Variants in IREB2 observed in about 807,000 individuals in gnomAD.
The protein encoded by IREB2 is iron responsive element binding protein 2.
A neutral mutation model predicts 118.8 loss-of-function variants in IREB2; 39 were observed. That is an observed-to-expected ratio of 0.33 (90% CI 0.25 to 0.43). The LOEUF (loss-of-function observed/expected upper bound fraction) is 0.43, where lower values mean the gene tolerates loss of function less well. Among genes scored for constraint, IREB2 ranks in the 20% least tolerant of loss-of-function variants. The pLI is 1.00. For synonymous variants in IREB2, 372 were observed against 392.2 expected (o/e 0.95, Z 0.61); for missense variants, 900 against 1,147.3 (o/e 0.78, Z 3.11).
intron 11 of IREB2, 35 bp from the exon 12 acceptor site, chr15:78,484,724 GAA>G: frequency 6.6e-7 from 1 of 1,512,652 alleles, no homozygotes; most frequent in Non-Finnish European, 9.2e-7. Flanking sequence ...TACATACCCA[GAA>G]TATTTAGTTT....
rs374821140 is a variant in IREB2, at chr15:78,483,471, G to A, written c.1413+37G>A. On this transcript the variant is annotated intron_variant, in intron 11 of 21. Transcript: ENST00000258886. ...TATTCTTATCCGTGTTTTTCAACCC[G>A]CTTTGTGCTAAGTAGTAAAGAACCA... The A allele has an allele frequency of 5.8e-5, 65 of 1,128,336 alleles. No individual in the cohort carries two copies. In the African/African-American group the frequency reaches 6.3e-4, roughly 11 times the overall value. 69.9% of individuals were successfully genotyped at this position (1,128,336 alleles called of 1,614,324 possible). A position where few individuals can be genotyped will look rare whatever the true frequency, so the allele number is the denominator to read the frequency against.
At chr15:78,470,725 C>T (rs1286932444) in intron 6 of IREB2, 124 bp downstream of exon 6, 32 of 472,794 alleles carry the variant, frequency 6.8e-5, no homozygotes, top group Non-Finnish European at 2.8e-5. Flanking sequence ...GACAGAATCT[C>T]GCCCTGTTAC....
chr15:78,451,197 C>T (rs1016439585), intron 2 of IREB2, among the ~76,000 whole-genome samples: 1 of 152,042 alleles, frequency 6.6e-6, no homozygotes, highest in Non-Finnish European at 1.5e-5. Flanking sequence ...AACTCCTGAC[C>T]TCAGATGATC....
intron 2 of IREB2, among the ~76,000 whole-genome samples, chr15:78,448,470 GAAA>G (rs200307305): frequency 6.6e-6 from 1 of 151,586 alleles, no homozygotes; most frequent in East Asian, 1.9e-4. Context: ...TTAAAAGAGA[GAAA>G]AAAAAGGTCA....
intron 2 of IREB2, among the ~76,000 whole-genome samples, chr15:78,458,270 C>A (rs1284486419): frequency 6.6e-6 from 1 of 151,896 alleles, no homozygotes. Context: ...AAGAGTGAAC[C>A]CTAATGTAAA....
At chr15:78,483,575 C>A in intron 11 of IREB2, 141 bp downstream of exon 11, 1 of 571,946 alleles carries the variant, frequency 1.7e-6, no homozygotes. Flanking sequence ...TATTTTCCTT[C>A]TGTCTAATGT....
intron 1 of IREB2, 85 bp from the exon 2 acceptor site, chr15:78,439,710 A>G (rs943253577): frequency 1.2e-5 from 9 of 749,874 alleles, no homozygotes; most frequent in Middle Eastern, 3.6e-4. Flanking sequence ...AGAAAATTCT[A>G]TTGGATAAAG....
rs747306838 is a variant in IREB2, at chr15:78,490,720, C to T, written c.2283C>T (p.Ile761=). 3.7e-6 allele frequency: 6 copies of T among 1,613,860 alleles called. No individual in the cohort carries two copies. Among genetic ancestry groups the T allele is most frequent in the Admixed American group, 1.7e-5 (1 of 59,982 alleles). Residue 761 remains isoleucine, a synonymous_variant, in exon 18 of 22, where the codon ATC becomes ATT. Transcript: ENST00000258886. ...ATCATATATCACCTGCAGGAAGTAT[C>T]GCTAGGAATAGTGCTGCCGCTAAGT... is the stretch of plus-strand genomic sequence containing the variant. The part of the protein sequence containing the change: ...TTDHISPAGS[I]ARNSAAAKYL...
At chr15:78,438,699 C>T (rs1313072987) in intron 1 of IREB2, 7 of 390,554 alleles carry the variant, frequency 1.8e-5, no homozygotes, top group African/African-American at 4.3e-5. Context: ...ACCGTCTTCT[C>T]CTGCCCGCCC....
chr15:78,488,409 T>A, intron 15 of IREB2, 73 bp downstream of exon 15: 2 of 1,251,880 alleles, frequency 1.6e-6, no homozygotes, highest in South Asian at 3.1e-5. Flanking sequence ...TTTTGAAATG[T>A]TTCTTAGACC....
chr15:78,487,891 T>C (rs1473589217), intron 14 of IREB2, 74 bp downstream of exon 14: 2 of 932,812 alleles, frequency 2.1e-6, no homozygotes, highest in South Asian at 1.5e-5. Flanking sequence ...ATAGAAAATA[T>C]ATATTGATGT....
At chr15:78,467,412 C>A (rs2051302254) in intron 5 of IREB2, among the ~76,000 whole-genome samples, 1 of 152,160 alleles carries the variant, frequency 6.6e-6, no homozygotes, top group Non-Finnish European at 1.5e-5. Flanking sequence ...AGTTCTATGG[C>A]CAGGCGCGGT....
At chr15:78,470,002 G>A (rs181386250) in intron 5 of IREB2, among the ~76,000 whole-genome samples, 72 of 152,290 alleles carry the variant, frequency 4.7e-4, no homozygotes, top group African/African-American at 1.7e-3. Context: ...TATAATCCAT[G>A]TAAAGTGAAC....
intron 4 of IREB2, among the ~76,000 whole-genome samples, chr15:78,465,718 G>A (rs1651711659): frequency 6.6e-6 from 1 of 152,034 alleles, no homozygotes. Flanking sequence ...AGTCATGAAT[G>A]TTTTTAATTA....
intron 8 of IREB2, chr15:78,475,347 T>C (rs908760651): frequency 1.2e-4 from 18 of 152,154 alleles, no homozygotes; most frequent in African/African-American, 4.1e-4. Context: ...TAGAAGGAAT[T>C]AAGTTTGAAA....
chr15:78,459,112 GA>G (rs550595150), intron 2 of IREB2, among the ~76,000 whole-genome samples: 38 of 151,686 alleles, frequency 2.5e-4, no homozygotes, highest in Non-Finnish European at 7.4e-5. Context: ...TTCTTAACGG[GA>G]AAAAAAAGTA....
intron 5 of IREB2, 44 bp from the exon 6 acceptor site, chr15:78,470,488 T>C (rs2141486767): frequency 1.6e-6 from 2 of 1,287,092 alleles, no homozygotes; most frequent in Non-Finnish European, 2.2e-6. Context: ...AGGCAAGTCT[T>C]TTTTGTAATA....
chr15:78,456,665 CAA>C (rs10717771), intron 2 of IREB2, among the ~76,000 whole-genome samples: 27 of 130,506 alleles, frequency 2.1e-4, no homozygotes, highest in Admixed American at 5.5e-4. Flanking sequence ...GTCCTTATCT[CAA>C]AAAAAAAAAA....
intron 15 of IREB2, 74 bp from the exon 16 acceptor site, chr15:78,488,573 T>C: frequency 7.2e-7 from 1 of 1,387,666 alleles, no homozygotes; most frequent in Non-Finnish European, 9.8e-7. Flanking sequence ...ATTTCCATGA[T>C]ATGTCTTTGA....
Sources: gnomAD v4.1 joint callset for allele counts (sites outside exome capture counted in the v4.1 genomes callset) on GRCh38, gnomAD v4.1.1 for gene constraint, MANE v1.5 for transcripts, NCBI Gene and HGNC (gene_info 2026-07-23, HGNC 2026-07-21) for gene names.